The following AGO2 variants were observed in gnomAD, a reference collection of about 807,000 sequenced individuals.
The protein encoded by AGO2 is protein argonaute-2.
In AGO2, 5 loss-of-function variants were observed where a neutral mutation model predicts 102.3. The observed-to-expected ratio is 0.05, with a 90% CI of 0.03 to 0.10. The LOEUF (loss-of-function observed/expected upper bound fraction) is 0.10, where lower values mean the gene tolerates loss of function less well. AGO2 is among the 10% of genes least tolerant of loss of function. The pLI, the probability that AGO2 is intolerant of heterozygous loss-of-function variation, is 1.00. For missense variants in AGO2, 541 were observed against 1,183.7 expected (o/e 0.46, Z 7.97); for synonymous variants, 449 against 473.1 (o/e 0.95, Z 0.66).
chr8:140,547,698 GC>G, intron 12 of AGO2, 71 bp from the exon 13 acceptor site: 1 of 1,546,446 alleles, frequency 6.5e-7, no homozygotes, highest in South Asian at 1.2e-5. Context: ...AGCAGCAGCT[GC>G]CACCAGCCCT....
Position 140,557,587 on chromosome 8 carries a change from G to A in AGO2, c.879-351C>T, listed in dbSNP as rs747396044. ...TGACCCTGGAAGCCTTTTACGTGCC[G>A]CGCGCTCCCGGTGCCCAGAAGGCCT... On this transcript the variant is annotated intron_variant, in intron 7 of 18. Coordinates refer to ENST00000220592, the MANE Select transcript of AGO2 (RefSeq NM_012154.5). This position sits in a 1 kb window ranked among gnomAD's most constrained non-coding sequence, Gnocchi z 5.9. 1.1e-4 allele frequency among the ~76,000 whole-genome samples: 16 copies of A among 152,316 alleles called. No homozygotes were observed. Among genetic ancestry groups the A allele is most frequent in the Middle Eastern group, 3.4e-3 (1 of 294 alleles).
chr8:140,543,421 T>C (rs995837042), intron 14 of AGO2, among the ~76,000 whole-genome samples: 1 of 152,240 alleles, frequency 6.6e-6, no homozygotes, highest in African/African-American at 2.4e-5. Context: ...TCTTGCTCCA[T>C]ATTCTCTCCC....
rs1446286168 is a variant in AGO2 at position 140,527,221 on chromosome 8, A to G, written c.*4823T>C. The G allele has an allele frequency of 6.6e-6, 1 of 152,242 alleles. No homozygotes were observed. The highest frequency in any genetic ancestry group is 1.9e-4 in the East Asian group (1 of 5,190). The allele number at this position is 152,242 out of a possible 1,614,324, so 9.4% of individuals were successfully genotyped here. On this transcript the variant is annotated 3_prime_UTR_variant, in exon 19 of 19. Transcript: ENST00000220592. The surrounding 1 kb of genome is among the most constrained non-coding windows in gnomAD (Gnocchi z 6.0). ...CCGATCTAGAACTTCCCTTCAGAAG[A>G]AAAAGAAAATGAGGCGAACTTGTCC...
In AGO2 at chr8:140,557,498, T is replaced by G. The variant is rs746105752; in HGVS notation, c.879-262A>C. Reference sequence around the variant, plus strand: ...AAATTATCCACAACGTCACAGTGTGTGTAAAGGAGTCAGGACGAATGGGCA... The same window carrying G: ...AAATTATCCACAACGTCACAGTGTGGGTAAAGGAGTCAGGACGAATGGGCA... On this transcript the variant is annotated intron_variant, in intron 7 of 18. Coordinates refer to ENST00000220592, the MANE Select transcript of AGO2 (RefSeq NM_012154.5). The surrounding 1 kb of genome is among the most constrained non-coding windows in gnomAD (Gnocchi z 5.9). 6.6e-6 allele frequency among the ~76,000 whole-genome samples: 1 copy of G among 152,152 alleles called. No homozygotes were observed. The highest frequency in any genetic ancestry group is 1.5e-5 in the Non-Finnish European group (1 of 68,024).
intron 1 of AGO2, among the ~76,000 whole-genome samples, chr8:140,631,787 C>T (rs567179952): frequency 3.3e-5 from 5 of 152,222 alleles, no homozygotes; most frequent in Non-Finnish European, 7.4e-5. Context: ...GCTTTAGACA[C>T]GCATATTTAA....
chr8:140,566,085 G>A (rs913567728), intron 3 of AGO2, among the ~76,000 whole-genome samples: 15 of 151,944 alleles, frequency 9.9e-5, no homozygotes, highest in African/African-American at 3.4e-4. Flanking sequence ...GGGAATCAGC[G>A]CCTGTTATGT....
At chr8:140,628,506 A>G (rs942900869) in intron 1 of AGO2, among the ~76,000 whole-genome samples, 1 of 152,232 alleles carries the variant, frequency 6.6e-6, no homozygotes, top group Non-Finnish European at 1.5e-5. Flanking sequence ...GATGCTTCTG[A>G]GAAATGCTCA....
At chr8:140,544,357 C>CGCTA in intron 13 of AGO2, 54 bp from the exon 14 acceptor site, 1 of 1,470,376 alleles carries the variant, frequency 6.8e-7, no homozygotes, top group Non-Finnish European at 9.2e-7. Flanking sequence ...GGACCTCTGA[C>CGCTA]GCTAGTAGGT....
At chr8:140,560,596 C>T (rs2132941719) in intron 4 of AGO2, 86 bp from the exon 5 acceptor site, 4 of 1,478,356 alleles carry the variant, frequency 2.7e-6, no homozygotes, top group East Asian at 2.3e-5. Context: ...CGCCTGCGCC[C>T]ACCACACCCT....
chr8:140,635,045 G>C (rs1208166003), intron 1 of AGO2, among the ~76,000 whole-genome samples: 2 of 149,870 alleles, frequency 1.3e-5, no homozygotes, highest in Non-Finnish European at 3.0e-5. Flanking sequence ...GGGTCAGGCC[G>C]GGCCGGGCTG....
At chr8:140,572,219 T>C (rs371668956) in intron 3 of AGO2, 1 of 152,276 alleles carries the variant, frequency 6.6e-6, no homozygotes, top group Non-Finnish European at 1.5e-5. Flanking sequence ...GACATTTTAA[T>C]ACACCCCCTC....
At chr8:140,636,574 A>G (rs940499919), upstream of AGO2, 5 of 152,194 alleles carry the variant, frequency 3.3e-5, no homozygotes, top group Non-Finnish European at 5.9e-5. Context: ...CTGTCTGCAT[A>G]TGGGTGCAAG....
chr8:140,534,251 T>C (rs967463422), intron 17 of AGO2, among the ~76,000 whole-genome samples: 2 of 152,158 alleles, frequency 1.3e-5, no homozygotes, highest in African/African-American at 2.4e-5. Flanking sequence ...GGGCCATAAA[T>C]AGCTCACCAG....
rs2072590600 is a variant in AGO2 at position 140,531,290 on chromosome 8, C to T, written c.*754G>A. ...ACTTTGGAAAATAAATGTCACAGTCCTATAGGACAAATCTGATGATTAGAC... is the reference window on the plus strand; with the variant it reads ...ACTTTGGAAAATAAATGTCACAGTCTTATAGGACAAATCTGATGATTAGAC... On this transcript the variant is annotated 3_prime_UTR_variant, in exon 19 of 19. Transcript: ENST00000220592. 1 of 152,622 alleles carries T rather than the reference C, an allele frequency of 6.6e-6. No individual in the cohort carries two copies. Among genetic ancestry groups the T allele is most frequent in the African/African-American group, 2.4e-5 (1 of 41,444 alleles). The allele number at this position is 152,622 out of a possible 1,614,324, so 9.5% of individuals were successfully genotyped here.
chr8:140,607,412 G>T (rs1191197616), intron 1 of AGO2, among the ~76,000 whole-genome samples: 2 of 145,884 alleles, frequency 1.4e-5, no homozygotes, highest in Non-Finnish European at 3.0e-5. Context: ...ACTCCAGCTG[G>T]GCAACCTAGT....
intron 8 of AGO2, among the ~76,000 whole-genome samples, chr8:140,556,827 G>C (rs115545919): frequency 6.6e-6 from 1 of 152,202 alleles, no homozygotes; most frequent in South Asian, 2.1e-4. Flanking sequence ...CACCTGCCTC[G>C]CGCTGCGGGG....
Position 140,567,537 on chromosome 8 carries a change from T to A in AGO2, c.337-4903A>T, listed in dbSNP as rs114235561. Among the ~76,000 whole-genome samples, 242 of 152,340 alleles carry A rather than the reference T, an allele frequency of 1.6e-3. 1 individual carries two copies. The highest frequency in any genetic ancestry group is 5.7e-3 in the African/African-American group (235 of 41,584). ...TCCTGCACACAAGGGGACAAGCAGGTGGCCCCGCCCACCTCACAGGGCACT... is the reference window on the plus strand; with the variant it reads ...TCCTGCACACAAGGGGACAAGCAGGAGGCCCCGCCCACCTCACAGGGCACT... On this transcript the variant is annotated intron_variant, in intron 3 of 18. Transcript: ENST00000220592. The surrounding 1 kb of genome is among the most constrained non-coding windows in gnomAD (Gnocchi z 5.0).
At chr8:140,560,533 C>T (rs747201206) in intron 4 of AGO2, 23 bp from the exon 5 acceptor site, 79 of 1,599,886 alleles carry the variant, frequency 4.9e-5, no homozygotes, top group South Asian at 2.8e-4. Context: ...GACCCCACCC[C>T]GCCTCCCGTC....
Position 140,529,010 on chromosome 8 carries a change from G to T in AGO2, c.*3034C>A, listed in dbSNP as rs1402927337. ...CAGGAAGAGTCCCAGTACAGAAATCGAATTGGGAGACCTCTTTTAAAGAGA... is the reference window on the plus strand; with the variant it reads ...CAGGAAGAGTCCCAGTACAGAAATCTAATTGGGAGACCTCTTTTAAAGAGA... On this transcript the variant is annotated 3_prime_UTR_variant, in exon 19 of 19. Coordinates refer to ENST00000220592, the MANE Select transcript of AGO2 (RefSeq NM_012154.5). 2 of 152,228 alleles carry T rather than the reference G, an allele frequency of 1.3e-5. No individual in the cohort carries two copies. The highest frequency in any genetic ancestry group is 4.8e-5 in the African/African-American group (2 of 41,460). The allele number at this position is 152,228 out of a possible 1,614,324, so 9.4% of individuals were successfully genotyped here. A position where few individuals can be genotyped will look rare whatever the true frequency, so the allele number is the denominator to read the frequency against.
Sources: gnomAD v4.1 joint callset for allele counts (sites outside exome capture counted in the v4.1 genomes callset) on GRCh38, gnomAD v4.1.1 for gene constraint, Gnocchi (gnomAD v3.1) non-coding constraint, MANE v1.5 for transcripts, NCBI Gene and HGNC (gene_info 2026-07-23, HGNC 2026-07-21) for gene names.